DNAH12: variants seen among roughly 807,000 people sequenced by gnomAD.
The protein encoded by DNAH12 is axonemal beta dynein heavy chain 12.
In DNAH12, 285 loss-of-function variants were observed where a neutral mutation model predicts 371.5. That is an observed-to-expected ratio of 0.77 (90% CI 0.70 to 0.85). The LOEUF (loss-of-function observed/expected upper bound fraction) is 0.85, where lower values mean the gene tolerates loss of function less well. Ranked by LOEUF, DNAH12 falls within the 40% of genes least tolerant of loss-of-function variation. DNAH12 has a pLI of 0.00. For missense variants in DNAH12, 3,611 were observed against 3,689.4 expected (o/e 0.98, Z 0.55); for synonymous variants, 1,200 against 1,213.0 (o/e 0.99, Z 0.22).
chr3:57,445,994 AAAAT>A (rs372891308), intron 27 of DNAH12, 33 bp downstream of exon 27: 290,342 of 1,428,952 alleles, frequency 0.2, 38,613 homozygotes, highest in African/African-American at 0.61. Flanking sequence ...TCAAAAACAT[AAAAT>A]AAATAAATAA....
rs2062178957 is a variant in DNAH12 at position 57,334,555 on chromosome 3, CT to C, written c.9887del (p.Glu3296GlyfsTer15). The C allele has an allele frequency of 6.4e-7, 1 of 1,550,604 alleles. No individual in the cohort carries two copies. Among genetic ancestry groups the C allele is most frequent in the African/African-American group, 1.4e-5 (1 of 72,990 alleles). On this transcript the variant is annotated frameshift_variant, in exon 62 of 74. Transcript: ENST00000495027. LOFTEE classifies it high-confidence loss of function. ...GTGCTGGAAATTTAGCATTATGTGG[CT>C]CTTTACTGTCATAGATTTCTCGCCA... ...YEWREIYDSK[E>X]PHNAKFPAPM... is the part of the protein sequence containing the mutation.
chr3:57,411,046 C>T (rs1400237891), intron 39 of DNAH12, among the ~76,000 whole-genome samples: 2 of 151,892 alleles, frequency 1.3e-5, no homozygotes, highest in Admixed American at 6.6e-5. Flanking sequence ...GGTATACCGA[C>T]TGGGAAGAAA....
At chr3:57,295,829 T>C (rs192498797) in intron 72 of DNAH12, among the ~76,000 whole-genome samples, 2 of 152,342 alleles carry the variant, frequency 1.3e-5, no homozygotes, top group African/African-American at 2.4e-5. Flanking sequence ...TTTTTAATGA[T>C]TGTCCATGTG....
At chr3:57,369,360 A>AT (rs2063123936) in intron 55 of DNAH12, among the ~76,000 whole-genome samples, 7 of 18,374 alleles carry the variant, frequency 3.8e-4, no homozygotes, top group Non-Finnish European at 4.6e-4. Flanking sequence ...ATAAATAAAT[A>AT]AATATATATA....
At chr3:57,433,003 C>T (rs1360636177) in intron 32 of DNAH12, among the ~76,000 whole-genome samples, 3 of 152,054 alleles carry the variant, frequency 2.0e-5, no homozygotes, top group Non-Finnish European at 2.9e-5. Context: ...TATATAAACG[C>T]TGAAGCATTC....
chr3:57,528,406 G>C (rs1172776106), intron 2 of DNAH12, among the ~76,000 whole-genome samples: 1 of 151,706 alleles, frequency 6.6e-6, no homozygotes, highest in Non-Finnish European at 1.5e-5. Context: ...AGATATTTGG[G>C]GGGTAGTACA....
At chr3:57,453,477 T>C (rs756912882) in intron 23 of DNAH12, 74 bp from the exon 24 acceptor site, 34 of 1,270,582 alleles carry the variant, frequency 2.7e-5, no homozygotes, top group African/African-American at 4.6e-5. Flanking sequence ...ATATTTAGTC[T>C]TTTATAAAAC....
At position 57,542,766 on chromosome 3, in the gene DNAH12, T is replaced by C; in HGVS notation, c.105A>G (p.Pro35=). 1 of 1,612,768 alleles carries C rather than the reference T, an allele frequency of 6.2e-7. No homozygotes were observed. The highest frequency in any genetic ancestry group is 8.5e-7 in the Non-Finnish European group (1 of 1,179,530). Reference sequence around the variant, plus strand: ...TGTATTTTAGCAGCTTACTTTGTGTTGGTGTATCAACGCCTATGTTTTCTG... The same window carrying C: ...TGTATTTTAGCAGCTTACTTTGTGTCGGTGTATCAACGCCTATGTTTTCTG... ...HLPENIGVDT[P]TQSKLLKYRR... is the part of the protein sequence containing the mutation. Residue 35 remains proline (P), a synonymous_variant, in exon 2 of 74, where the codon CCA becomes CCG. Transcript: ENST00000495027.
Position 57,301,927 on chromosome 3 carries a change from A to G in DNAH12, c.11202T>C (p.Thr3734=). The part of the protein sequence containing the change: ...EMERFNNLII[T]IRNTLRDLEK... Reference sequence around the variant, plus strand: ...CAAGGTCCCGTAGAGTGTTACGTATAGTTATAATTAAACTGCAATGAAAGA... The same window carrying G: ...CAAGGTCCCGTAGAGTGTTACGTATGGTTATAATTAAACTGCAATGAAAGA... Residue 3734 remains threonine, a synonymous_variant, in exon 70 of 74, where the codon ACT becomes ACC. Transcript: ENST00000495027. The G allele has an allele frequency of 6.4e-7, 1 of 1,551,532 alleles. No homozygotes were observed. The highest frequency in any genetic ancestry group is 2.4e-5 in the East Asian group (1 of 40,906).
chr3:57,385,227 C>T (rs1345792528), intron 48 of DNAH12, 122 bp downstream of exon 48: 5 of 152,132 alleles, frequency 3.3e-5, no homozygotes, highest in African/African-American at 4.8e-5. Flanking sequence ...AGTGAGATAG[C>T]CAGTCAATGG....
chr3:57,299,831 A>C (rs2061309586), intron 70 of DNAH12, among the ~76,000 whole-genome samples: 1 of 152,082 alleles, frequency 6.6e-6, no homozygotes, highest in Admixed American at 6.6e-5. Flanking sequence ...TAAGTTATCT[A>C]GTCTATTTTG....
upstream of DNAH12, among the ~76,000 whole-genome samples, chr3:57,544,607 C>G (rs745739105): frequency 6.6e-6 from 1 of 152,170 alleles, no homozygotes; most frequent in African/African-American, 2.4e-5. Context: ...AAATTTAGAT[C>G]TGTTGGAAAA....
At chr3:57,550,983 A>C in the DNAH12 span, among the ~76,000 whole-genome samples, 1 of 148,108 alleles carries the variant, frequency 6.8e-6, no homozygotes, top group African/African-American at 2.5e-5. Flanking sequence ...GGTTCACACC[A>C]TTCTCCTGCC....
chr3:57,518,730 C>G (rs1031609890), intron 4 of DNAH12, among the ~76,000 whole-genome samples: 1 of 152,044 alleles, frequency 6.6e-6, no homozygotes, highest in Non-Finnish European at 1.5e-5. Flanking sequence ...ATATTTTAAG[C>G]ATGAGTAACC....
Position 57,508,466 on chromosome 3 carries a change from A to C in DNAH12, c.617T>G (p.Ile206Ser), listed in dbSNP as rs1402811588. 2.5e-6 allele frequency: 4 copies of C among 1,613,458 alleles called. No homozygotes were observed. Among genetic ancestry groups the C allele is most frequent in the Non-Finnish European group, 3.4e-6 (4 of 1,179,876 alleles). ...ARNQIFSNLH[I>S]IHPTMKMLLD... ...TAACATTTTCATAGTTGGATGAATA[A>C]TGTGCAAATTAGAGAATATTTGATT... The change falls in exon 7 of 74, where the codon ATT (isoleucine) becomes AGT (serine). Residue 206 changes from isoleucine to serine, a missense_variant. Around this residue, in one of 3 missense-constraint regions of DNAH12, gnomAD observed 1,314 missense variants for 1,398.7 expected, o/e 0.94. Coordinates refer to ENST00000495027, the MANE Select transcript of DNAH12 (RefSeq NM_001366028.2).
Position 57,405,763 on chromosome 3 carries a change from T to C in DNAH12, c.6466A>G (p.Asn2156Asp). 4.5e-6 allele frequency: 7 copies of C among 1,551,686 alleles called. No individual in the cohort carries two copies. The highest frequency in any genetic ancestry group is 6.1e-6 in the Non-Finnish European group (7 of 1,146,978). The change falls in exon 41 of 74, where the codon AAT becomes GAT. Residue 2156 changes from asparagine to aspartate, a missense_variant. Transcript: ENST00000495027. ...VLRVFYDRLI[N>D]DDDRRWLFQL... ...AACAGCCATCTTCGATCATCATCATTAATGAGGCGATCATAAAACACTCGG... is the reference window on the plus strand; with the variant it reads ...AACAGCCATCTTCGATCATCATCATCAATGAGGCGATCATAAAACACTCGG...
intron 39 of DNAH12, among the ~76,000 whole-genome samples, chr3:57,409,292 C>G (rs114144395): frequency 6.6e-6 from 1 of 152,136 alleles, no homozygotes; most frequent in Admixed American, 6.6e-5. Context: ...GGGTAGGAGT[C>G]TATCTAGCCA....
intron 69 of DNAH12, among the ~76,000 whole-genome samples, chr3:57,304,056 AC>A (rs1294193136): frequency 5.7e-5 from 6 of 104,716 alleles, no homozygotes; most frequent in Non-Finnish European, 1.1e-4. Context: ...GCACCTTGTG[AC>A]CCCCCACTCC....
At chr3:57,371,412 ATG>A (rs2063166834) in intron 55 of DNAH12, among the ~76,000 whole-genome samples, 1 of 152,284 alleles carries the variant, frequency 6.6e-6, no homozygotes, top group Admixed American at 6.5e-5. Context: ...TACTTTAAAA[ATG>A]TATTTGTATT....
Sources: gnomAD v4.1 joint callset for allele counts (sites outside exome capture counted in the v4.1 genomes callset) on GRCh38, gnomAD v4.1.1 for gene constraint, gnomAD v4.1.1 regional missense constraint, MANE v1.5 for transcripts, NCBI Gene and HGNC (gene_info 2026-07-23, HGNC 2026-07-21) for gene names.